RGP1: variants seen among roughly 807,000 people sequenced by gnomAD.
RGP1 encodes the protein RAB6A-GEF complex partner protein 2.
Under a neutral mutation model 44.5 loss-of-function variants are expected in RGP1, and 28 were observed. The observed-to-expected ratio is 0.63, with a 90% CI of 0.47 to 0.86. RGP1 has a LOEUF of 0.86. Among genes scored for constraint, RGP1 ranks in the 40% least tolerant of loss-of-function variants. The pLI is 0.00. For missense variants in RGP1, 417 were observed against 490.7 expected (o/e 0.85, Z 1.42); for synonymous variants, 212 against 196.7 (o/e 1.08, Z -0.65).
chr9:35,781,983 G>GT, the RGP1 span, among the ~76,000 whole-genome samples: 2,269 of 90,634 alleles, frequency 0.025, 113 homozygotes, highest in Middle Eastern at 0.037. Context: ...TATTTCTCTC[G>GT]TTTTTTTTTT....
chr9:35,751,203 CCTAACCT>C, intron 5 of RGP1, 56 bp from the exon 6 acceptor site: 5 of 1,583,402 alleles, frequency 3.2e-6, no homozygotes, highest in Non-Finnish European at 4.3e-6. Context: ...AATCTAAAAC[CCTAACCT>C]CTACTCTCAT....
the RGP1 span, among the ~76,000 whole-genome samples, chr9:35,776,931 C>T: frequency 2.7e-4 from 40 of 148,290 alleles, 1 homozygote; most frequent in South Asian, 8.6e-4. Flanking sequence ...GGAGGTGGAG[C>T]GTCCAGTGAG....
the RGP1 span, among the ~76,000 whole-genome samples, chr9:35,782,127 C>T: frequency 1.3e-5 from 2 of 151,548 alleles, no homozygotes; most frequent in African/African-American, 4.9e-5. Flanking sequence ...GCTGAGATTA[C>T]AGGCGCCTGC....
At chr9:35,781,474 G>A in the RGP1 span, among the ~76,000 whole-genome samples, 3 of 151,830 alleles carry the variant, frequency 2.0e-5, no homozygotes, top group African/African-American at 4.8e-5. Flanking sequence ...CTATAGTGAT[G>A]AGAGTGGGTG....
Position 35,751,248 on chromosome 9 carries a change from C to T in RGP1, c.488-18C>T. 2 of 1,613,246 alleles carry T rather than the reference C, an allele frequency of 1.2e-6. No individual in the cohort carries two copies. The highest frequency in any genetic ancestry group is 1.7e-6 in the Non-Finnish European group (2 of 1,179,408). ...CCGTTCCCTCTCAGCATTACCTCTCCACTCATTCTTTCTCTAGGCCTTCAG... is the reference window on the plus strand; with the variant it reads ...CCGTTCCCTCTCAGCATTACCTCTCTACTCATTCTTTCTCTAGGCCTTCAG... On this transcript the variant is annotated intron_variant, in intron 5 of 8. Transcript: ENST00000378078.
rs1827248711 is a variant in RGP1, at chr9:35,750,944, C to G, written c.442C>G (p.Pro148Ala). ...LTIGCQRVNSPITLLRVPLRV... is the reference protein window; with the variant it reads ...LTIGCQRVNSAITLLRVPLRV... The stretch of plus-strand genomic sequence containing the variant: ...CATTGGCTGCCAGCGTGTCAACTCC[C>G]CTATCACTTTACTCAGAGTCCCTCT... The change falls in exon 5 of 9, where the codon CCT (proline) becomes GCT (alanine). Residue 148 changes from proline to alanine, a missense_variant. By Grantham distance (27) the Pro-to-Ala change is conservative (BLOSUM62 -1). Coordinates refer to ENST00000378078, the MANE Select transcript of RGP1 (RefSeq NM_001080496.3). The G allele has an allele frequency of 6.2e-7, 1 of 1,614,012 alleles. No individual in the cohort carries two copies. Among genetic ancestry groups the G allele is most frequent in the African/African-American group, 1.3e-5 (1 of 75,048 alleles).
the RGP1 span, among the ~76,000 whole-genome samples, chr9:35,773,647 G>A: frequency 2.0e-5 from 3 of 151,750 alleles, no homozygotes; most frequent in Admixed American, 2.0e-4. Flanking sequence ...GACTACAGGC[G>A]CATGCCACTA....
At chr9:35,770,492 G>GGAGAGAGAGAGAGAGAGAGAGAGA in the RGP1 span, among the ~76,000 whole-genome samples, 1 of 107,038 alleles carries the variant, frequency 9.3e-6, no homozygotes, top group Admixed American at 1.0e-4. Context: ...GTATTACCAT[G>GGAGAGAGAGAGAGAGAGAGAGAGA]GAGAGAGAGA....
downstream of RGP1, chr9:35,758,640 T>TA (rs1447980217): frequency 6.6e-6 from 1 of 152,242 alleles, no homozygotes; most frequent in African/African-American, 2.4e-5. Flanking sequence ...CCGTGCTGTT[T>TA]TAGCCCCAGC....
the RGP1 span, among the ~76,000 whole-genome samples, chr9:35,764,058 G>A: frequency 1.3e-5 from 2 of 151,822 alleles, no homozygotes; most frequent in African/African-American, 4.8e-5. Context: ...GGTTGAGGCT[G>A]TAGTGAGCCA....
rs957689101 is a variant in RGP1 at position 35,752,203 on chromosome 9, G to A, written c.952+58G>A. The A allele has an allele frequency of 6.9e-6, 10 of 1,457,888 alleles. No homozygotes were observed. In the East Asian group the frequency reaches 2.3e-4, roughly 34 times the overall value. 90.3% of individuals were successfully genotyped at this position (1,457,888 alleles called of 1,614,324 possible). Reference sequence around the variant, plus strand: ...GGGGGACAGTAAAATGCTGTGCTAAGGGAGGGTGTAATGGATCCTGATTCC... The same window carrying A: ...GGGGGACAGTAAAATGCTGTGCTAAAGGAGGGTGTAATGGATCCTGATTCC... On this transcript the variant is annotated intron_variant, in intron 8 of 8. Transcript: ENST00000378078.
At chr9:35,781,885 G>A in the RGP1 span, among the ~76,000 whole-genome samples, 1 of 151,626 alleles carries the variant, frequency 6.6e-6, no homozygotes, top group Admixed American at 6.6e-5. Context: ...ATTACAATTA[G>A]CTGAGTGCCT....
the RGP1 span, among the ~76,000 whole-genome samples, chr9:35,768,363 T>C: frequency 2.6e-4 from 39 of 152,206 alleles, no homozygotes; most frequent in Admixed American, 2.0e-3. Flanking sequence ...TGCCTGGCCG[T>C]GGACAGGTTA....
At chr9:35,770,729 T>G in the RGP1 span, among the ~76,000 whole-genome samples, 1 of 152,098 alleles carries the variant, frequency 6.6e-6, no homozygotes, top group Non-Finnish European at 1.5e-5. Context: ...AGTGTTTGGC[T>G]GCACTCCTGG....
chr9:35,753,717 C>T lies in RGP1; in HGVS notation c.*843C>T, dbSNP rs780563187. On this transcript the variant is annotated 3_prime_UTR_variant, in exon 9 of 9. Coordinates refer to ENST00000378078, the MANE Select transcript of RGP1 (RefSeq NM_001080496.3). The surrounding 1 kb of genome is among the most constrained non-coding windows in gnomAD (Gnocchi z 4.2). ...ACAGGTGCAATGGAAACAGTCCTTG[C>T]GGAGCCAAGACTCACCCAGGGTAAA... The T allele has an allele frequency of 9.9e-6, 16 of 1,614,002 alleles. No homozygotes were observed. The highest frequency in any genetic ancestry group is 1.6e-4 in the Middle Eastern group (1 of 6,080).
the RGP1 span, among the ~76,000 whole-genome samples, chr9:35,789,312 C>T: frequency 2.7e-5 from 4 of 150,174 alleles, no homozygotes; most frequent in East Asian, 7.8e-4. Flanking sequence ...GCCACTGCAC[C>T]AGGCTCCTTC....
chr9:35,761,825 A>G (rs1292841044), downstream of RGP1, among the ~76,000 whole-genome samples: 1 of 152,194 alleles, frequency 6.6e-6, no homozygotes, highest in African/African-American at 2.4e-5. Context: ...AAAGCCACAA[A>G]TAAATGAAAA....
Position 35,753,895 on chromosome 9 carries a change from G to T in RGP1, c.*1021G>T. On this transcript the variant is annotated 3_prime_UTR_variant, in exon 9 of 9. Coordinates refer to ENST00000378078, the MANE Select transcript of RGP1 (RefSeq NM_001080496.3). This position sits in a 1 kb window ranked among gnomAD's most constrained non-coding sequence, Gnocchi z 4.2. ...TTTAGTTTGTCTTTCCTGTTTCACA[G>T]CTGGAGGAAGCCTGGGTATTTTGAC... 1.3e-6 allele frequency: 2 copies of T among 1,550,072 alleles called. No homozygotes were observed. The highest frequency in any genetic ancestry group is 8.8e-7 in the Non-Finnish European group (1 of 1,139,406).
In RGP1 at chr9:35,749,320, C is replaced by T. The variant is rs909372667; in HGVS notation, c.-108C>T. 1.2e-4 allele frequency: 65 copies of T among 525,504 alleles called. No homozygotes were observed. In the East Asian group the frequency reaches 3.2e-3, roughly 26 times the overall value. 32.6% of individuals were successfully genotyped at this position (525,504 alleles called of 1,614,324 possible). ...CTCTACCGCCCAGCGGACGCCGCCGCCGCCGCCGCCGCCGCGTACCTAGCC... is the reference window on the plus strand; with the variant it reads ...CTCTACCGCCCAGCGGACGCCGCCGTCGCCGCCGCCGCCGCGTACCTAGCC... On this transcript the variant is annotated 5_prime_UTR_variant, in exon 1 of 9. Transcript: ENST00000378078. This position sits in a 1 kb window ranked among gnomAD's most constrained non-coding sequence, Gnocchi z 4.4.
Sources: allele counts gnomAD v4.1 joint callset (sites outside exome capture counted in the v4.1 genomes callset), GRCh38; gene constraint gnomAD v4.1.1; non-coding constraint Gnocchi (gnomAD v3.1); transcripts MANE v1.5; gene names NCBI Gene and HGNC (gene_info 2026-07-23, HGNC 2026-07-21).